Variants in PTPRD observed in about 807,000 individuals in gnomAD.
PTPRD encodes protein tyrosine phosphatase receptor type D.
PTPRD carries 34 observed loss-of-function variants against 214.5 expected under a neutral mutation model. That is an observed-to-expected ratio of 0.16 (90% confidence interval 0.12 to 0.21). The LOEUF (loss-of-function observed/expected upper bound fraction) is 0.21, where lower values mean the gene tolerates loss of function less well. Ranked by LOEUF, PTPRD falls within the 10% of genes least tolerant of loss-of-function variation. PTPRD has a pLI of 1.00. For synonymous variants in PTPRD, 1,128 were observed against 845.7 expected, an observed-to-expected ratio of 1.33 and a Z score of -5.79; for missense variants, 2,545 against 2,398.7, an observed-to-expected ratio of 1.06 and a Z score of -1.27.
rs151164382 is a variant in PTPRD at position 9,000,078 on chromosome 9, T to C, written c.-104+18619A>G. Among the ~76,000 whole-genome samples, 230 of 152,140 alleles carry C rather than the reference T, an allele frequency of 1.5e-3. 1 individual carries two copies. The highest frequency in any genetic ancestry group is 5.3e-3 in the African/African-American group (219 of 41,536). On this transcript the variant is annotated intron_variant, in intron 11 of 45. Coordinates refer to ENST00000381196, the MANE Select transcript of PTPRD (RefSeq NM_002839.4). ...TATGGGTAACTGGAGGCTCTGTGTG[T>C]AGCTTCAGCATCTGTAATAATGGTT... is the stretch of plus-strand genomic sequence containing the variant.
intron 4 of PTPRD, among the ~76,000 whole-genome samples, chr9:9,960,213 T>C (rs1407120651): frequency 4.1e-5 from 5 of 122,874 alleles, no homozygotes; most frequent in Non-Finnish European, 6.4e-5. Context: ...AAAAGGAGTA[T>C]GAAAATTTGA....
At chr9:8,651,445 C>A (rs145316787) in intron 12 of PTPRD, among the ~76,000 whole-genome samples, 2 of 152,224 alleles carry the variant, frequency 1.3e-5, no homozygotes, top group South Asian at 2.1e-4. Flanking sequence ...ACCTGGCACA[C>A]GGATAGAGGC....
intron 7 of PTPRD, among the ~76,000 whole-genome samples, chr9:9,599,514 T>G (rs1266069779): frequency 6.6e-6 from 1 of 152,056 alleles, no homozygotes; most frequent in Non-Finnish European, 1.5e-5. Context: ...TCTCAGCTTC[T>G]GGAACTTTTT....
At chr9:9,025,850 T>C (rs2099585234) in intron 10 of PTPRD, among the ~76,000 whole-genome samples, 1 of 152,064 alleles carries the variant, frequency 6.6e-6, no homozygotes, top group Non-Finnish European at 1.5e-5. Context: ...AATGGATATT[T>C]AGCACTTAAT....
At chr9:9,468,397 G>A (rs2094365330) in intron 8 of PTPRD, among the ~76,000 whole-genome samples, 1 of 152,050 alleles carries the variant, frequency 6.6e-6, no homozygotes, top group African/African-American at 2.4e-5. Flanking sequence ...GTATAGATAT[G>A]TGCATTTAGT....
intron 2 of PTPRD, among the ~76,000 whole-genome samples, chr9:10,527,157 T>C (rs1029700880): frequency 2.6e-5 from 4 of 152,108 alleles, no homozygotes; most frequent in African/African-American, 9.7e-5. Context: ...AGACAGAAAC[T>C]AAGAATAAAC....
chr9:8,685,096 T>A (rs1716353965), intron 12 of PTPRD, among the ~76,000 whole-genome samples: 1 of 152,120 alleles, frequency 6.6e-6, no homozygotes, highest in South Asian at 2.1e-4. Flanking sequence ...ACATTGTTAT[T>A]CCAATGGACA....
At chr9:9,054,908 G>C (rs1423339657) in intron 10 of PTPRD, among the ~76,000 whole-genome samples, 1 of 152,138 alleles carries the variant, frequency 6.6e-6, no homozygotes, top group Non-Finnish European at 1.5e-5. Flanking sequence ...AATGTCCTGA[G>C]AGAGCTAATC....
chr9:10,226,439 A>C (rs1266169537), intron 3 of PTPRD, among the ~76,000 whole-genome samples: 1 of 151,986 alleles, frequency 6.6e-6, no homozygotes, highest in African/African-American at 2.4e-5. Flanking sequence ...AAAGAGGCTG[A>C]GTATGAGGGA....
chr9:9,391,733 C>T (rs549685524), intron 9 of PTPRD, among the ~76,000 whole-genome samples: 1 of 152,182 alleles, frequency 6.6e-6, no homozygotes, highest in African/African-American at 2.4e-5. Flanking sequence ...TAAAACCAAA[C>T]TCCCTGGAAA....
intron 2 of PTPRD, among the ~76,000 whole-genome samples, chr9:10,487,201 T>C (rs897909828): frequency 1.1e-4 from 16 of 152,204 alleles, no homozygotes; most frequent in Non-Finnish European, 7.3e-5. Flanking sequence ...AGGTGAAGTG[T>C]GTTTCTTATA....
At chr9:9,094,008 A>G in intron 10 of PTPRD, among the ~76,000 whole-genome samples, 1 of 152,178 alleles carries the variant, frequency 6.6e-6, no homozygotes. Context: ...TAAAAATGTA[A>G]TAAGAGAATA....
At chr9:9,520,426 C>T (rs926881411) in intron 8 of PTPRD, among the ~76,000 whole-genome samples, 1 of 151,698 alleles carries the variant, frequency 6.6e-6, no homozygotes, top group East Asian at 1.9e-4. Context: ...CAGTTAATAA[C>T]ATATGGAAAA....
chr9:8,389,205 A>G (rs2135628326), intron 37 of PTPRD, 27 bp downstream of exon 37: 2 of 1,565,714 alleles, frequency 1.3e-6, no homozygotes, highest in South Asian at 1.2e-5. Context: ...AATTTTTAAA[A>G]GGAAAGAGGT....
In PTPRD at chr9:8,843,926, T is replaced by A. The variant is rs189941178; in HGVS notation, c.-103-109980A>T. 2.0e-5 allele frequency among the ~76,000 whole-genome samples: 3 copies of A among 152,318 alleles called. No homozygotes were observed. The East Asian group carries it at 5.8e-4, about 30-fold the overall frequency. The stretch of plus-strand genomic sequence containing the variant: ...TCTTAGGTTCCTCAGCAAAACAACA[T>A]GAGGTTTACTCTCAGGTCCTTTCCA... On this transcript the variant is annotated intron_variant, in intron 11 of 45. Coordinates refer to ENST00000381196, the MANE Select transcript of PTPRD (RefSeq NM_002839.4).
At chr9:10,527,294 C>A (rs189426003) in intron 2 of PTPRD, among the ~76,000 whole-genome samples, 2 of 152,210 alleles carry the variant, frequency 1.3e-5, no homozygotes, top group Non-Finnish European at 2.9e-5. Flanking sequence ...ACCACCGATG[C>A]AGTAAAGAAC....
At chr9:9,833,107 G>T (rs1413214175) in intron 5 of PTPRD, among the ~76,000 whole-genome samples, 1 of 151,042 alleles carries the variant, frequency 6.6e-6, no homozygotes. Flanking sequence ...GCAAGGCCAG[G>T]TAATAGCAAT....
chr9:9,673,088 C>A (rs578048791), intron 7 of PTPRD, among the ~76,000 whole-genome samples: 5 of 152,088 alleles, frequency 3.3e-5, no homozygotes, highest in Admixed American at 6.5e-5. Flanking sequence ...CTTCACTAGG[C>A]TGACAAACAG....
chr9:9,802,166 C>T (rs555240158), intron 5 of PTPRD, among the ~76,000 whole-genome samples: 99 of 151,872 alleles, frequency 6.5e-4, no homozygotes, highest in Non-Finnish European at 1.3e-3. Context: ...GGTGTGAGGT[C>T]CAATATGATA....
Sources: allele counts gnomAD v4.1 joint callset (sites outside exome capture counted in the v4.1 genomes callset), GRCh38; gene constraint gnomAD v4.1.1; transcripts MANE v1.5; gene names NCBI Gene and HGNC (gene_info 2026-07-23, HGNC 2026-07-21).